The following SVOPL variants were observed in gnomAD, a reference collection of about 807,000 sequenced individuals.
The protein encoded by SVOPL is putative transporter SVOPL.
SVOPL carries 60 observed loss-of-function variants against 61.0 expected under a neutral mutation model. The observed-to-expected ratio is 0.98, with a 90% confidence interval of 0.80 to 1.22. SVOPL has a LOEUF of 1.22. SVOPL is among the 50% of genes most tolerant of loss of function. The pLI is 0.00. For synonymous variants in SVOPL, 279 were observed against 250.0 expected (o/e 1.12, Z -1.09); for missense variants, 662 against 643.9 (o/e 1.03, Z -0.30).
intron 14 of SVOPL, among the ~76,000 whole-genome samples, chr7:138,605,139 T>C (rs1415656362): frequency 1.4e-5 from 2 of 146,736 alleles, no homozygotes; most frequent in African/African-American, 5.1e-5. Flanking sequence ...CACAGTTCAA[T>C]GCTAATAAAT....
chr7:138,664,194 CT>C, intron 4 of SVOPL: 1 of 971,408 alleles, frequency 1.0e-6, no homozygotes, highest in Non-Finnish European at 1.2e-6. Flanking sequence ...TGCCCTCCCC[CT>C]CCCCCACCTT....
rs68015844 is a variant in SVOPL at position 138,629,153 on chromosome 7, G to A, written c.864-790C>T. 4.5e-3 allele frequency among the ~76,000 whole-genome samples: 667 copies of A among 147,362 alleles called. 4 individuals carry two copies. Among genetic ancestry groups the A allele is most frequent in the African/African-American group, 0.013 (506 of 39,368 alleles). On this transcript the variant is annotated intron_variant, in intron 10 of 15. Coordinates refer to ENST00000674285, the MANE Select transcript of SVOPL (RefSeq NM_001139456.2). The stretch of plus-strand genomic sequence containing the variant: ...TGTGTGTGTGTGTGTGTGTGTGTGT[G>A]TATATATGTATATATAATTTGCTGG...
At chr7:138,641,971 AAC>A (rs1800826633) in intron 9 of SVOPL, among the ~76,000 whole-genome samples, 1 of 150,652 alleles carries the variant, frequency 6.6e-6, no homozygotes, top group African/African-American at 2.4e-5. Context: ...ACTCAAGGAG[AAC>A]ACAGATTCTT....
rs1554465279 is a variant in SVOPL at position 138,642,848 on chromosome 7, A to AG, written c.789+1868_789+1869insC. Among the ~76,000 whole-genome samples the AG allele has an allele frequency of 1.2e-3, 41 of 35,486 alleles. 1 individual carries two copies. The highest frequency in any genetic ancestry group is 1.9e-3 in the African/African-American group (34 of 18,254). The allele number at this position is 35,486 out of a possible 152,430, so 23.3% of individuals were successfully genotyped here. A position where few individuals can be genotyped will look rare whatever the true frequency, so the allele number is the denominator to read the frequency against. On this transcript the variant is annotated intron_variant, in intron 9 of 15. Coordinates refer to ENST00000674285, the MANE Select transcript of SVOPL (RefSeq NM_001139456.2). ...CCTACCTCCAAAAAAAAAAAAAAAA[A>AG]AAGAAGAAACAAAATTTTTAATAAT...
chr7:138,654,631 C>A (rs1398863278), intron 7 of SVOPL, among the ~76,000 whole-genome samples: 1 of 151,390 alleles, frequency 6.6e-6, no homozygotes, highest in Non-Finnish European at 1.5e-5. Context: ...TCCCGAGTAG[C>A]TGGGACTACA....
At chr7:138,627,498 T>C in intron 11 of SVOPL, 37 bp from the exon 12 acceptor site, 1 of 1,535,376 alleles carries the variant, frequency 6.5e-7, no homozygotes, top group Non-Finnish European at 9.0e-7. Context: ...TCTGGAACCT[T>C]GGAAGGCAAG....
At chr7:138,684,076 A>C (rs1016405464) in intron 1 of SVOPL, among the ~76,000 whole-genome samples, 1 of 151,572 alleles carries the variant, frequency 6.6e-6, no homozygotes, top group African/African-American at 2.4e-5. Context: ...GTGGCAAAGA[A>C]GATCCTGGCC....
At chr7:138,644,658 TGA>T (rs1801002142) in intron 9 of SVOPL, 57 bp downstream of exon 9, 1 of 1,593,142 alleles carries the variant, frequency 6.3e-7, no homozygotes, top group Non-Finnish European at 8.6e-7. Context: ...CTTCCACAAC[TGA>T]GGGGATTTCC....
At chr7:138,673,571 G>A (rs1215016380) in intron 3 of SVOPL, among the ~76,000 whole-genome samples, 1 of 152,196 alleles carries the variant, frequency 6.6e-6, no homozygotes, top group Admixed American at 6.5e-5. Flanking sequence ...CTTGCACCCA[G>A]GAGGCAGAGG....
chr7:138,693,359 T>A (rs1463994642), intron 1 of SVOPL, among the ~76,000 whole-genome samples: 1 of 151,546 alleles, frequency 6.6e-6, no homozygotes, highest in Non-Finnish European at 1.5e-5. Context: ...GTACTAAAAA[T>A]TTTTTAAAAA....
chr7:138,685,921 T>A (rs1446964056), intron 1 of SVOPL, among the ~76,000 whole-genome samples: 6 of 151,574 alleles, frequency 4.0e-5, no homozygotes, highest in Non-Finnish European at 7.4e-5. Flanking sequence ...AGAGGAAACG[T>A]TTGGAGGTAG....
Position 138,672,114 on chromosome 7 carries a change from C to T in SVOPL, c.178G>A (p.Val60Ile), listed in dbSNP as rs1274130746. Residue 60 changes from valine (V) to isoleucine (I), a missense_variant, in exon 4 of 16, where the codon GTT becomes ATT. By Grantham distance (29) the Val-to-Ile change is conservative. Transcript: ENST00000674285. ...LFLIMGSTGV[V>I]EAMEIMLIAV... ...ATCAACATGATCTCCATGGCCTCAA[C>T]CACCTTAAAGAAGAGGGACACCATG... 6.4e-7 allele frequency: 1 copy of T among 1,551,536 alleles called. No individual in the cohort carries two copies. The highest frequency in any genetic ancestry group is 1.2e-5 in the South Asian group (1 of 84,062).
At chr7:138,693,570 A>T in intron 1 of SVOPL, among the ~76,000 whole-genome samples, 1 of 148,144 alleles carries the variant, frequency 6.8e-6, no homozygotes, top group Non-Finnish European at 1.5e-5. Flanking sequence ...AGAAAGAAAG[A>T]AAGAAAAAAG....
intron 1 of SVOPL, among the ~76,000 whole-genome samples, chr7:138,680,249 A>G (rs1338341436): frequency 6.8e-6 from 1 of 147,032 alleles, no homozygotes; most frequent in East Asian, 2.0e-4. Flanking sequence ...GGCTCACTGC[A>G]ACCTCCGCCT....
At chr7:138,663,469 G>A in intron 4 of SVOPL, 1 of 1,186,594 alleles carries the variant, frequency 8.4e-7, no homozygotes, top group Non-Finnish European at 1.0e-6. Context: ...TTTTAAAATT[G>A]TCTGTTCATG....
At chr7:138,606,553 C>T (rs191836057) in intron 14 of SVOPL, among the ~76,000 whole-genome samples, 1 of 152,150 alleles carries the variant, frequency 6.6e-6, no homozygotes, top group African/African-American at 2.4e-5. Context: ...AAATTTTTTC[C>T]CAAGGAGCCC....
intron 10 of SVOPL, among the ~76,000 whole-genome samples, chr7:138,629,584 A>G (rs1017522813): frequency 6.6e-6 from 1 of 152,084 alleles, no homozygotes; most frequent in Admixed American, 6.6e-5. Flanking sequence ...TCCTAATTTA[A>G]TGTATTAAAA....
chr7:138,659,498 A>C (rs974583030), intron 6 of SVOPL, among the ~76,000 whole-genome samples: 8 of 152,062 alleles, frequency 5.3e-5, no homozygotes, highest in African/African-American at 1.9e-4. Context: ...TCTCGAAAAA[A>C]AAAAAAAAAA....
intron 10 of SVOPL, 65 bp from the exon 11 acceptor site, chr7:138,628,428 G>A: frequency 1.3e-6 from 2 of 1,531,026 alleles, no homozygotes; most frequent in South Asian, 2.3e-5. Context: ...GAGTGGGGAG[G>A]GGATACCAAG....
Sources: allele counts gnomAD v4.1 joint callset (sites outside exome capture counted in the v4.1 genomes callset), GRCh38; gene constraint gnomAD v4.1.1; transcripts MANE v1.5; gene names NCBI Gene and HGNC (gene_info 2026-07-23, HGNC 2026-07-21).